Variants in CSMD3 observed in about 807,000 individuals in gnomAD.
CSMD3 encodes the protein CUB and Sushi multiple domains 3.
A neutral mutation model predicts 435.2 loss-of-function variants in CSMD3; 177 were observed. The ratio of observed to expected loss-of-function variants is 0.41; its 90% CI spans 0.36 to 0.46. The LOEUF is 0.46. Among genes scored for constraint, CSMD3 ranks in the 20% least tolerant of loss-of-function variants. CSMD3 has a pLI of 0.34. For missense variants in CSMD3, 4,265 were observed against 4,504.6 expected (o/e 0.95, Z 1.52); for synonymous variants, 1,656 against 1,520.5 (o/e 1.09, Z -2.07).
rs917824541 is a variant in CSMD3, at chr8:112,367,141, A to G, written c.6136+13211T>C. 1.3e-5 allele frequency among the ~76,000 whole-genome samples: 2 copies of G among 152,212 alleles called. 1 individual carries two copies. Among genetic ancestry groups the G allele is most frequent in the South Asian group, 4.1e-4 (2 of 4,824 alleles). On this transcript the variant is annotated intron_variant, in intron 38 of 70. Coordinates refer to ENST00000297405, the MANE Select transcript of CSMD3 (RefSeq NM_198123.2). ...GTATAGTTTGAGCAGCATGACTATA[A>G]ATATTTAAAATATATGTATATAATA...
chr8:112,644,294 A>G (rs1302512083), intron 20 of CSMD3, among the ~76,000 whole-genome samples: 1 of 151,960 alleles, frequency 6.6e-6, no homozygotes, highest in African/African-American at 2.4e-5. Context: ...TATAAGCAAT[A>G]TTTGCAAAAA....
chr8:112,830,796 T>G (rs909073388), intron 11 of CSMD3, among the ~76,000 whole-genome samples: 2 of 150,808 alleles, frequency 1.3e-5, no homozygotes, highest in African/African-American at 4.9e-5. Flanking sequence ...ATTTTTTTTT[T>G]TTTTTTTTTA....
At chr8:112,466,197 T>C (rs1227575947) in intron 32 of CSMD3, among the ~76,000 whole-genome samples, 4 of 152,306 alleles carry the variant, frequency 2.6e-5, no homozygotes, top group Non-Finnish European at 4.4e-5. Context: ...TAAAAGCCTT[T>C]ATTGATCTTC....
chr8:113,309,459 C>T (rs2093850262), intron 2 of CSMD3: 1 of 152,150 alleles, frequency 6.6e-6, no homozygotes, highest in South Asian at 2.1e-4. Context: ...GTTTAGCTCT[C>T]ACTTATAAGT....
intron 6 of CSMD3, among the ~76,000 whole-genome samples, chr8:112,992,788 C>T (rs1196309918): frequency 6.6e-6 from 1 of 150,992 alleles, no homozygotes; most frequent in East Asian, 1.9e-4. Flanking sequence ...TGTTTGTGTG[C>T]CTGTGTGTGT....
intron 3 of CSMD3, among the ~76,000 whole-genome samples, chr8:113,174,513 A>G (rs537314870): frequency 6.6e-6 from 1 of 152,046 alleles, no homozygotes. Flanking sequence ...GTAACATTTT[A>G]ATTAGATCAA....
At chr8:113,095,718 A>C (rs2090144437) in intron 5 of CSMD3, among the ~76,000 whole-genome samples, 1 of 152,228 alleles carries the variant, frequency 6.6e-6, no homozygotes, top group Admixed American at 6.5e-5. Flanking sequence ...TACAGTTTAA[A>C]AACTATGTAC....
chr8:113,426,438 A>G (rs895582427), intron 1 of CSMD3, among the ~76,000 whole-genome samples: 3 of 151,270 alleles, frequency 2.0e-5, no homozygotes, highest in African/African-American at 4.8e-5. Context: ...ATAAGAATAT[A>G]TTTTCCTCAA....
intron 4 of CSMD3, among the ~76,000 whole-genome samples, chr8:113,104,873 A>G (rs1309601898): frequency 6.6e-6 from 1 of 152,100 alleles, no homozygotes; most frequent in Non-Finnish European, 1.5e-5. Flanking sequence ...TTAGCTTTGA[A>G]GGTTTATTTT....
intron 22 of CSMD3, among the ~76,000 whole-genome samples, chr8:112,590,406 C>T (rs1484171496): frequency 6.7e-6 from 1 of 149,004 alleles, no homozygotes; most frequent in African/African-American, 2.5e-5. Context: ...AAGAATATTC[C>T]AAACAGAAGG....
intron 10 of CSMD3, among the ~76,000 whole-genome samples, chr8:112,903,029 G>A (rs2130454983): frequency 6.6e-6 from 1 of 150,722 alleles, no homozygotes; most frequent in South Asian, 2.1e-4. Context: ...AATGGTTGAG[G>A]CATATATCAG....
chr8:113,394,435 CA>C (rs1172884323), intron 1 of CSMD3, among the ~76,000 whole-genome samples: 5 of 152,034 alleles, frequency 3.3e-5, no homozygotes, highest in Non-Finnish European at 4.4e-5. Context: ...TCATTTAACC[CA>C]TCCAGGTTGA....
rs866791870 is a variant in CSMD3 at position 112,410,600 on chromosome 8, A to G, written c.5396-1568T>C. 1.0e-4 allele frequency among the ~76,000 whole-genome samples: 10 copies of G among 99,760 alleles called. No individual in the cohort carries two copies. The East Asian group carries it at 1.1e-3, about 11-fold the overall frequency. The allele number at this position is 99,760 out of a possible 152,430, so 65.4% of individuals were successfully genotyped here. A position where few individuals can be genotyped will look rare whatever the true frequency, so the allele number is the denominator to read the frequency against. On this transcript the variant is annotated intron_variant, in intron 32 of 70. Coordinates refer to ENST00000297405, the MANE Select transcript of CSMD3 (RefSeq NM_198123.2). The stretch of plus-strand genomic sequence containing the variant: ...TATATACATACATATGTATATATAT[A>G]TGTGTATATATATATGTATATATAT...
chr8:112,261,084 T>C (rs562065781), intron 61 of CSMD3, among the ~76,000 whole-genome samples: 1 of 152,102 alleles, frequency 6.6e-6, no homozygotes, highest in Non-Finnish European at 1.5e-5. Context: ...AACTTGTTAA[T>C]ATCTCTCTGA....
intron 6 of CSMD3, among the ~76,000 whole-genome samples, chr8:112,990,044 A>G (rs1203781049): frequency 6.6e-6 from 1 of 151,888 alleles, no homozygotes; most frequent in African/African-American, 2.4e-5. Flanking sequence ...GTAAGATGTG[A>G]CTTTGTTCCT....
Position 112,380,381 on chromosome 8 carries a change from G to T in CSMD3, c.6107C>A (p.Ser2036Tyr). Residue 2036 changes from serine (S) to tyrosine (Y), a missense_variant, in exon 38 of 71, where the codon TCT (serine) becomes TAT (tyrosine). Physicochemically the swap from Ser to Tyr is moderately radical, Grantham distance 144. Coordinates refer to ENST00000297405, the MANE Select transcript of CSMD3 (RefSeq NM_198123.2). ...GTATTCAAGATGAAATCCTGCAGCA[G>T]AAACACTGATGTCTGATTGAAAATT... is the stretch of plus-strand genomic sequence containing the variant. ...YLNFQSDISV[S>Y]AAGFHLEYTA... 1 of 1,594,690 alleles carries T rather than the reference G, an allele frequency of 6.3e-7. No individual in the cohort carries two copies.
At chr8:112,440,827 G>A (rs1814924623) in intron 32 of CSMD3, among the ~76,000 whole-genome samples, 1 of 152,190 alleles carries the variant, frequency 6.6e-6, no homozygotes, top group Non-Finnish European at 1.5e-5. Context: ...TGCAGGTCAT[G>A]ATGCCCCAAG....
intron 3 of CSMD3, among the ~76,000 whole-genome samples, chr8:113,227,354 T>C (rs1043735631): frequency 6.6e-5 from 10 of 151,514 alleles, no homozygotes; most frequent in African/African-American, 2.2e-4. Context: ...TAGAATGGAT[T>C]AAAAGAGAAT....
chr8:112,472,475 A>T, intron 32 of CSMD3, 116 bp downstream of exon 32: 1 of 731,116 alleles, frequency 1.4e-6, no homozygotes, highest in South Asian at 1.5e-5. Flanking sequence ...AAAGAATTGC[A>T]TAGTAAAATA....
Sources: allele counts gnomAD v4.1 joint callset (sites outside exome capture counted in the v4.1 genomes callset), GRCh38; gene constraint gnomAD v4.1.1; transcripts MANE v1.5; gene names NCBI Gene and HGNC (gene_info 2026-07-23, HGNC 2026-07-21).